Variants in DIAPH3 observed in about 807,000 individuals in gnomAD.
DIAPH3 encodes the protein protein diaphanous homolog 3.
A neutral mutation model predicts 144.3 loss-of-function variants in DIAPH3; 117 were observed. The observed-to-expected ratio is 0.81, with a 90% confidence interval of 0.70 to 0.95. The LOEUF (loss-of-function observed/expected upper bound fraction) is 0.95, where lower values mean the gene tolerates loss of function less well. DIAPH3 is among the 40% of genes least tolerant of loss of function. DIAPH3 has a pLI of 0.00. For missense variants in DIAPH3, 1,421 were observed against 1,412.7 expected, an observed-to-expected ratio of 1.01 and a Z score of -0.09; for synonymous variants, 519 against 488.9, an observed-to-expected ratio of 1.06 and a Z score of -0.81.
intron 25 of DIAPH3, among the ~76,000 whole-genome samples, chr13:59,800,716 G>T (rs140688105): frequency 1.9e-3 from 289 of 152,200 alleles, no homozygotes; most frequent in African/African-American, 6.5e-3. Context: ...CATGGAACGG[G>T]TCTCTGAAAG....
intron 27 of DIAPH3, among the ~76,000 whole-genome samples, chr13:59,723,605 T>C (rs987226565): frequency 6.6e-6 from 1 of 151,880 alleles, no homozygotes; most frequent in South Asian, 2.1e-4. Flanking sequence ...TCGAAAATGA[T>C]GGTCTTTTTT....
intron 27 of DIAPH3, among the ~76,000 whole-genome samples, chr13:59,748,771 G>A (rs1344303655): frequency 1.3e-5 from 2 of 152,158 alleles, no homozygotes; most frequent in Admixed American, 6.5e-5. Context: ...GAAGGAAGGT[G>A]TAACCATATC....
chr13:59,756,472 G>GGAAGGAAA (rs2139155392), intron 27 of DIAPH3, among the ~76,000 whole-genome samples: 1 of 142,330 alleles, frequency 7.0e-6, no homozygotes, highest in South Asian at 2.3e-4. Flanking sequence ...AAGGAAAGAA[G>GGAAGGAAA]GAAGGAAGGA....
intron 5 of DIAPH3, among the ~76,000 whole-genome samples, chr13:60,018,522 A>T (rs2053805570): frequency 6.6e-6 from 1 of 152,204 alleles, no homozygotes; most frequent in South Asian, 2.1e-4. Context: ...TCTAAAGTCA[A>T]CTATTTCTAG....
intron 22 of DIAPH3, among the ~76,000 whole-genome samples, chr13:59,843,954 G>A (rs1260091032): frequency 6.6e-6 from 1 of 152,100 alleles, no homozygotes; most frequent in Non-Finnish European, 1.5e-5. Context: ...CTGTATGAGT[G>A]GCGGGCAGGA....
chr13:59,933,408 G>A (rs2140341759), intron 17 of DIAPH3, among the ~76,000 whole-genome samples: 1 of 152,330 alleles, frequency 6.6e-6, no homozygotes, highest in Admixed American at 6.5e-5. Flanking sequence ...TACGATCAGA[G>A]TCCATAAACA....
Position 59,853,769 on chromosome 13 carries a change from G to A in DIAPH3, c.2737+7638C>T, listed in dbSNP as rs75573909. On this transcript the variant is annotated intron_variant, in intron 22 of 27. Coordinates refer to ENST00000400324, the MANE Select transcript of DIAPH3 (RefSeq NM_001042517.2). ...TTTTCACACAATGACAAAGAAAAGG[G>A]TATTTCTGAAGCATATTAACAATAA... Among the ~76,000 whole-genome samples, 66 of 152,250 alleles carry A rather than the reference G, an allele frequency of 4.3e-4. No homozygotes were observed. The East Asian group carries it at 0.013, about 29-fold the overall frequency.
At chr13:59,689,431 CA>C (rs746554097) in intron 27 of DIAPH3, among the ~76,000 whole-genome samples, 4 of 151,974 alleles carry the variant, frequency 2.6e-5, no homozygotes, top group Non-Finnish European at 5.9e-5. Context: ...AAATAAAAAA[CA>C]AACAGAGTCG....
chr13:59,834,886 TAGAA>T (rs2041964022), intron 23 of DIAPH3, among the ~76,000 whole-genome samples: 1 of 151,814 alleles, frequency 6.6e-6, no homozygotes, highest in Non-Finnish European at 1.5e-5. Flanking sequence ...GAATTTCTAC[TAGAA>T]TCACTGTCAT....
chr13:59,850,262 C>A (rs1229546731), intron 22 of DIAPH3, among the ~76,000 whole-genome samples: 1 of 150,680 alleles, frequency 6.6e-6, no homozygotes, highest in Non-Finnish European at 1.5e-5. Context: ...ATGTCGTCTG[C>A]AAACAGGGAC....
At position 59,724,691 on chromosome 13, in the gene DIAPH3, G is replaced by A. The variant is rs769041467; in HGVS notation, c.3319+49498C>T. On this transcript the variant is annotated intron_variant, in intron 27 of 27. Transcript: ENST00000400324. ...AAAAGGGGATGGGCCATAAATTGCC[G>A]ATTGCGTCAAATGAGCTGGCTTTCC... Among the ~76,000 whole-genome samples the A allele has an allele frequency of 3.3e-5, 5 of 152,296 alleles. No homozygotes were observed. The South Asian group carries it at 8.3e-4, about 25-fold the overall frequency.
chr13:59,785,871 T>C (rs1396514926), intron 25 of DIAPH3, among the ~76,000 whole-genome samples: 1 of 152,210 alleles, frequency 6.6e-6, no homozygotes, highest in Non-Finnish European at 1.5e-5. Context: ...CTTCCTATCT[T>C]AAATATGGCC....
chr13:59,992,296 G>A (rs1437868522), intron 10 of DIAPH3, 110 bp from the exon 11 acceptor site: 8 of 1,083,946 alleles, frequency 7.4e-6, no homozygotes, highest in Non-Finnish European at 1.1e-5. Context: ...TATAGCATTC[G>A]AACATTTAAA....
chr13:60,104,153 T>C (rs940907890), intron 3 of DIAPH3, among the ~76,000 whole-genome samples: 2 of 152,192 alleles, frequency 1.3e-5, no homozygotes, highest in Admixed American at 1.3e-4. Flanking sequence ...TTACTACTTT[T>C]CTATATTCAA....
chr13:59,714,153 G>A (rs965088068), intron 27 of DIAPH3, among the ~76,000 whole-genome samples: 2 of 151,990 alleles, frequency 1.3e-5, no homozygotes, highest in South Asian at 2.1e-4. Flanking sequence ...GAGGTCAGGA[G>A]ATCGAGACCA....
At chr13:59,993,702 T>TAAAAA (rs3078724) in intron 9 of DIAPH3, among the ~76,000 whole-genome samples, 2 of 73,868 alleles carry the variant, frequency 2.7e-5, no homozygotes, top group African/African-American at 1.2e-4. Flanking sequence ...GAAACATACT[T>TAAAAA]AAAAAAAAAA....
intron 5 of DIAPH3, among the ~76,000 whole-genome samples, chr13:60,020,725 CA>C (rs1242971954): frequency 1.3e-5 from 2 of 152,128 alleles, no homozygotes; most frequent in Non-Finnish European, 2.9e-5. Flanking sequence ...ATGAGAAATA[CA>C]AAACTGAATA....
In DIAPH3 at chr13:59,716,676, G is replaced by A. The variant is rs77018844; in HGVS notation, c.3320-49830C>T. On this transcript the variant is annotated intron_variant, in intron 27 of 27. Coordinates refer to ENST00000400324, the MANE Select transcript of DIAPH3 (RefSeq NM_001042517.2). The stretch of plus-strand genomic sequence containing the variant: ...ACAAATATGAAACTGAATGTAAGAC[G>A]GCTTAAATAACTCAAAAAAAGATCA... Among the ~76,000 whole-genome samples the A allele has an allele frequency of 7.2e-5, 11 of 152,114 alleles. No homozygotes were observed. The East Asian group carries it at 9.7e-4, about 13-fold the overall frequency.
At chr13:59,819,883 G>T (rs1218031855) in intron 24 of DIAPH3, among the ~76,000 whole-genome samples, 4 of 151,818 alleles carry the variant, frequency 2.6e-5, no homozygotes, top group African/African-American at 9.7e-5. Context: ...AAATAGCTGT[G>T]TGACTATGCC....
Sources: gnomAD v4.1 joint callset for allele counts (sites outside exome capture counted in the v4.1 genomes callset) on GRCh38, gnomAD v4.1.1 for gene constraint, MANE v1.5 for transcripts, NCBI Gene and HGNC (gene_info 2026-07-23, HGNC 2026-07-21) for gene names.